The following TMEM14C variants were observed in gnomAD, a reference collection of about 807,000 sequenced individuals.
TMEM14C encodes chromosome 6 open reading frame 53.
In TMEM14C, 13 loss-of-function variants were observed where a neutral mutation model predicts 14.8. The ratio of observed to expected loss-of-function variants is 0.88; its 90% CI spans 0.57 to 1.40. TMEM14C has a LOEUF of 1.40. TMEM14C is among the 40% of genes most tolerant of loss of function. The pLI is 0.00. For missense variants in TMEM14C, 142 were observed against 138.8 expected (o/e 1.02, Z -0.12); for synonymous variants, 57 against 51.3 (o/e 1.11, Z -0.48).
At chr6:10,728,206 A>G (rs956174761) in intron 4 of TMEM14C, among the ~76,000 whole-genome samples, 1 of 152,258 alleles carries the variant, frequency 6.6e-6, no homozygotes, top group Admixed American at 6.5e-5. Flanking sequence ...AAAAGGGCAA[A>G]GACAGTTACA....
chr6:10,723,370 T>G (rs1010258568), intron 1 of TMEM14C, 129 bp downstream of exon 1: 1 of 152,270 alleles, frequency 6.6e-6, no homozygotes, highest in Admixed American at 6.5e-5. Flanking sequence ...GGTCGGTGCT[T>G]TTCTCGTTGG....
intron 5 of TMEM14C, 81 bp from the exon 6 acceptor site, chr6:10,730,534 A>G (rs879696228): frequency 3.6e-6 from 5 of 1,388,150 alleles, no homozygotes; most frequent in Non-Finnish European, 5.0e-6. Flanking sequence ...GTTGTGAGGA[A>G]CCAGCAGTTT....
At chr6:10,723,264 C>G (rs1441813830) in intron 1 of TMEM14C, 23 bp downstream of exon 1, 3 of 152,256 alleles carry the variant, frequency 2.0e-5, no homozygotes, top group African/African-American at 7.2e-5. Flanking sequence ...GGGGATTATT[C>G]TTATTTTCTG....
At chr6:10,724,903 C>T in intron 2 of TMEM14C, 58 bp from the exon 3 acceptor site, 2 of 1,577,642 alleles carry the variant, frequency 1.3e-6, no homozygotes, top group Non-Finnish European at 1.7e-6. Flanking sequence ...CATCCTATGA[C>T]AGTATGGTTT....
At chr6:10,728,948 A>AT (rs1770951269) in intron 5 of TMEM14C, 2 of 1,138,588 alleles carry the variant, frequency 1.8e-6, no homozygotes, top group Non-Finnish European at 2.4e-6. Context: ...TTGTTCTCAT[A>AT]TTTGCTTTCC....
chr6:10,726,056 C>T, intron 4 of TMEM14C, 48 bp downstream of exon 4: 2 of 1,607,330 alleles, frequency 1.2e-6, no homozygotes, highest in South Asian at 1.1e-5. Context: ...ATCCAGAATA[C>T]TCTTTTCCAA....
At chr6:10,725,177 A>G in intron 3 of TMEM14C, 140 bp downstream of exon 3, 3 of 983,070 alleles carry the variant, frequency 3.1e-6, no homozygotes, top group Non-Finnish European at 1.6e-6. Context: ...CTTCCTTGTC[A>G]GTCTTGCAGC....
chr6:10,727,091 G>T (rs922366433), intron 4 of TMEM14C, among the ~76,000 whole-genome samples: 1 of 152,114 alleles, frequency 6.6e-6, no homozygotes, highest in Non-Finnish European at 1.5e-5. Flanking sequence ...CTCAGCAAAT[G>T]ACCTCACGCC....
intron 5 of TMEM14C, among the ~76,000 whole-genome samples, chr6:10,730,096 C>T (rs1209424020): frequency 1.3e-5 from 2 of 151,818 alleles, no homozygotes; most frequent in Non-Finnish European, 2.9e-5. Context: ...GAGTGAGACT[C>T]CATCTGAAAA....
chr6:10,725,086 G>C (rs896409732), intron 3 of TMEM14C, 49 bp downstream of exon 3: 5 of 1,606,984 alleles, frequency 3.1e-6, no homozygotes, highest in Non-Finnish European at 4.3e-6. Flanking sequence ...CGTTGTCCCA[G>C]TGAAATGTGA....
At chr6:10,725,158 G>T in intron 3 of TMEM14C, 121 bp downstream of exon 3, 1 of 1,177,400 alleles carries the variant, frequency 8.5e-7, no homozygotes, top group South Asian at 1.3e-5. Flanking sequence ...CCCCAAGCTG[G>T]AGTGCAGGCT....
chr6:10,727,420 A>G (rs1256164336), intron 4 of TMEM14C, among the ~76,000 whole-genome samples: 1 of 150,994 alleles, frequency 6.6e-6, no homozygotes, highest in East Asian at 2.0e-4. Flanking sequence ...GCTCACTGCA[A>G]CCTCCACCTC....
Position 10,731,023 on chromosome 6 carries a change from T to C in TMEM14C, c.*357T>C, listed in dbSNP as rs1771008783. The C allele has an allele frequency of 2.0e-6, 2 of 995,944 alleles. No individual in the cohort carries two copies. The highest frequency in any genetic ancestry group is 1.2e-6 in the Non-Finnish European group (1 of 836,970). The allele number at this position is 995,944 out of a possible 1,614,324, so 61.7% of individuals were successfully genotyped here. A position where few individuals can be genotyped will look rare whatever the true frequency, so the allele number is the denominator to read the frequency against. On this transcript the variant is annotated 3_prime_UTR_variant, in exon 6 of 6. Transcript: ENST00000229563. The stretch of plus-strand genomic sequence containing the variant: ...GAGGAACAGTGTGAAAAAAAGTCTT[T>C]TAGGAGATTTACAATATCTGTTCTT...
At chr6:10,724,165 C>T (rs1404311391) in intron 1 of TMEM14C, among the ~76,000 whole-genome samples, 1 of 152,198 alleles carries the variant, frequency 6.6e-6, no homozygotes, top group Non-Finnish European at 1.5e-5. Flanking sequence ...ACACCCCTAC[C>T]TCCCCTCAAA....
chr6:10,724,336 T>A, intron 1 of TMEM14C: 1 of 426,438 alleles, frequency 2.3e-6, no homozygotes, highest in Non-Finnish European at 4.2e-6. Context: ...AAAACTGAGG[T>A]TTTCATGACA....
Position 10,728,494 on chromosome 6 carries a change from T to C in TMEM14C, c.200-146T>C, listed in dbSNP as rs1324684328. 4.8e-6 allele frequency: 4 copies of C among 825,400 alleles called. No homozygotes were observed. In the African/African-American group the frequency reaches 5.2e-5, roughly 11 times the overall value. The allele number at this position is 825,400 out of a possible 1,614,324, so 51.1% of individuals were successfully genotyped here. ...ACTAGGACCCATAGGATGTGGGCAG[T>C]CAGTAGTCTCCCCGACTTGGGGAAA... On this transcript the variant is annotated intron_variant, in intron 4 of 5. Transcript: ENST00000229563.
chr6:10,724,170 C>T (rs573393994), intron 1 of TMEM14C, among the ~76,000 whole-genome samples: 19 of 152,196 alleles, frequency 1.2e-4, no homozygotes, highest in Non-Finnish European at 2.2e-4. Flanking sequence ...CCTACCTCCC[C>T]TCAAAAGAGA....
chr6:10,726,896 A>T (rs958773159), intron 4 of TMEM14C, among the ~76,000 whole-genome samples: 1 of 152,090 alleles, frequency 6.6e-6, no homozygotes, highest in Non-Finnish European at 1.5e-5. Flanking sequence ...AATGAGTGCC[A>T]TGTGGGAGGG....
At chr6:10,728,071 C>T (rs1214924055) in intron 4 of TMEM14C, among the ~76,000 whole-genome samples, 1 of 152,182 alleles carries the variant, frequency 6.6e-6, no homozygotes, top group Non-Finnish European at 1.5e-5. Context: ...TGGAATGGGC[C>T]TTCCCATCCT....
Sources: allele counts gnomAD v4.1 joint callset (sites outside exome capture counted in the v4.1 genomes callset), GRCh38; gene constraint gnomAD v4.1.1; transcripts MANE v1.5; gene names NCBI Gene and HGNC (gene_info 2026-07-23, HGNC 2026-07-21).